Variants in DNAH12 observed in about 807,000 individuals in gnomAD.
DNAH12 encodes the protein dynein axonemal heavy chain 12.
Under a neutral mutation model 371.5 loss-of-function variants are expected in DNAH12, and 285 were observed. The ratio of observed to expected loss-of-function variants is 0.77; its 90% CI spans 0.70 to 0.85. DNAH12 has a LOEUF of 0.85. DNAH12 is among the 40% of genes least tolerant of loss of function. The pLI, the probability that DNAH12 is intolerant of heterozygous loss-of-function variation, is 0.00. For missense variants in DNAH12, 3,611 were observed against 3,689.4 expected, an observed-to-expected ratio of 0.98 and a Z score of 0.55; for synonymous variants, 1,200 against 1,213.0, an observed-to-expected ratio of 0.99 and a Z score of 0.22.
chr3:57,348,761 C>T (rs2062604235), intron 60 of DNAH12, among the ~76,000 whole-genome samples: 1 of 152,162 alleles, frequency 6.6e-6, no homozygotes, highest in Non-Finnish European at 1.5e-5. Flanking sequence ...TAGATTGAAA[C>T]ACTCAGTATT....
chr3:57,395,482 T>C (rs918829715), intron 43 of DNAH12, among the ~76,000 whole-genome samples: 7 of 152,350 alleles, frequency 4.6e-5, no homozygotes, highest in African/African-American at 1.7e-4. Flanking sequence ...GGTGGATTTT[T>C]ATATTGTACA....
At chr3:57,343,631 T>C (rs1239060437) in intron 60 of DNAH12, among the ~76,000 whole-genome samples, 5 of 152,086 alleles carry the variant, frequency 3.3e-5, no homozygotes, top group African/African-American at 9.7e-5. Flanking sequence ...GCCCGACACC[T>C]GTAAAGGGTC....
At chr3:57,361,444 C>CACTATATATACA (rs1409626573) in intron 58 of DNAH12, among the ~76,000 whole-genome samples, 1 of 116,722 alleles carries the variant, frequency 8.6e-6, no homozygotes, top group African/African-American at 4.2e-5. Context: ...CACACACACA[C>CACTATATATACA]TATATATATA....
chr3:57,318,967 C>G (rs2061745115), intron 65 of DNAH12, among the ~76,000 whole-genome samples: 1 of 151,986 alleles, frequency 6.6e-6, no homozygotes, highest in Admixed American at 6.6e-5. Context: ...GGTTAGTTTG[C>G]ACATTTTAAT....
chr3:57,369,228 A>AAAT (rs1296017727), intron 55 of DNAH12, among the ~76,000 whole-genome samples: 109 of 131,710 alleles, frequency 8.3e-4, no homozygotes, highest in African/African-American at 2.4e-3. Context: ...TTAAAAAAAA[A>AAAT]ATATATATAT....
chr3:57,377,573 T>C (rs1025054336), intron 52 of DNAH12, among the ~76,000 whole-genome samples: 1 of 151,936 alleles, frequency 6.6e-6, no homozygotes, highest in Non-Finnish European at 1.5e-5. Context: ...AATAAGTGTT[T>C]GTTTAAACAC....
chr3:57,509,861 T>TAAAAAAAAAAAAAAAAAAAA (rs902155403), intron 5 of DNAH12, among the ~76,000 whole-genome samples: 9 of 46,562 alleles, frequency 1.9e-4, no homozygotes, highest in Non-Finnish European at 3.6e-4. Context: ...GACTCCATCA[T>TAAAAAAAAAAAAAAAAAAAA]AAAAAAAAAA....
intron 43 of DNAH12, among the ~76,000 whole-genome samples, chr3:57,400,761 C>G (rs2063839954): frequency 6.6e-6 from 1 of 152,064 alleles, no homozygotes; most frequent in Non-Finnish European, 1.5e-5. Flanking sequence ...GGGGGGACTA[C>G]CATAATAGTA....
chr3:57,385,042 C>T (rs1476216826), intron 48 of DNAH12, 37 bp from the exon 49 acceptor site: 1 of 152,168 alleles, frequency 6.6e-6, no homozygotes, highest in African/African-American at 2.4e-5. Context: ...TTCTCAAACA[C>T]CCTATTGCTT....
intron 69 of DNAH12, among the ~76,000 whole-genome samples, chr3:57,306,719 C>T (rs990581690): frequency 1.9e-4 from 29 of 152,274 alleles, no homozygotes; most frequent in African/African-American, 5.8e-4. Context: ...TGTTATCACT[C>T]GCCTGCCACA....
At chr3:57,415,306 C>T in intron 38 of DNAH12, 120 bp downstream of exon 38, 1 of 1,335,134 alleles carries the variant, frequency 7.5e-7, no homozygotes, top group Non-Finnish European at 1.0e-6. Flanking sequence ...ACTCCCCAAA[C>T]ATTTGAAAGT....
In DNAH12 at chr3:57,309,145, C is replaced by A; in HGVS notation, c.11189+6G>T. 1 of 1,523,736 alleles carries A rather than the reference C, an allele frequency of 6.6e-7. No individual in the cohort carries two copies. Among genetic ancestry groups the A allele is most frequent in the South Asian group, 1.3e-5 (1 of 79,788 alleles). 94.4% of individuals were successfully genotyped at this position (1,523,736 alleles called of 1,614,324 possible). On this transcript the variant is annotated splice_donor_region_variant and intron_variant, in intron 69 of 73. Coordinates refer to ENST00000495027, the MANE Select transcript of DNAH12 (RefSeq NM_001366028.2). ...CTTCTGAATCACTGGGGATATAGAT[C>A]CTTACTTGTTAAATCTTTCCATTTC...
In DNAH12 at chr3:57,502,471, T is replaced by C. The variant is rs770495258; in HGVS notation, c.1095A>G (p.Gln365=). ...ERIAEALQNV[Q]TIPSWLSGTS... is the part of the protein sequence containing the mutation. ...TTCCTGATAGCCAAGAGGGGATTGT[T>C]TGGACATTCTAACACAAATAAAAAT... is the stretch of plus-strand genomic sequence containing the variant. Residue 365 remains glutamine, a synonymous_variant, in exon 10 of 74, where the codon CAA becomes CAG. Coordinates refer to ENST00000495027, the MANE Select transcript of DNAH12 (RefSeq NM_001366028.2). The C allele has an allele frequency of 1.9e-6, 3 of 1,614,106 alleles. No homozygotes were observed. Among genetic ancestry groups the C allele is most frequent in the Admixed American group, 3.3e-5 (2 of 60,026 alleles).
intron 43 of DNAH12, among the ~76,000 whole-genome samples, chr3:57,397,899 G>T (rs1229498385): frequency 3.9e-5 from 6 of 151,974 alleles, no homozygotes; most frequent in African/African-American, 1.5e-4. Flanking sequence ...GGGATGCAAA[G>T]AATTAAGGAA....
In DNAH12 at chr3:57,428,291, TAA is replaced by T. The variant is rs531904999; in HGVS notation, c.5253+340_5253+341del. On this transcript the variant is annotated intron_variant, in intron 34 of 73. Transcript: ENST00000495027. The stretch of plus-strand genomic sequence containing the variant: ...AGCCCTGGGAAGCTAATACAATATG[TAA>T]AGTTTTCTCATAAAATACTAAATAT... 3,093 of 973,566 alleles carry T rather than the reference TAA, an allele frequency of 3.2e-3. 42 individuals are homozygous for T. Among genetic ancestry groups the T allele is most frequent in the South Asian group, 0.026 (1,597 of 61,040 alleles). The allele number at this position is 973,566 out of a possible 1,614,324, so 60.3% of individuals were successfully genotyped here. A position where few individuals can be genotyped will look rare whatever the true frequency, so the allele number is the denominator to read the frequency against.
At chr3:57,513,494 A>G (rs1019558784) in intron 4 of DNAH12, among the ~76,000 whole-genome samples, 8 of 95,124 alleles carry the variant, frequency 8.4e-5, no homozygotes, top group Non-Finnish European at 2.1e-5. Context: ...ATAAAGTAAA[A>G]TTTAAAAACT....
intron 60 of DNAH12, among the ~76,000 whole-genome samples, chr3:57,348,710 T>C (rs1201347207): frequency 6.6e-6 from 1 of 152,012 alleles, no homozygotes; most frequent in Non-Finnish European, 1.5e-5. Flanking sequence ...TAGAGTGAAA[T>C]GAAAAAGAAC....
chr3:57,329,601 TAAAAACCCTAGAA>T (rs2062040452), intron 62 of DNAH12, among the ~76,000 whole-genome samples: 1 of 146,546 alleles, frequency 6.8e-6, no homozygotes, highest in Non-Finnish European at 1.5e-5. Flanking sequence ...CCTAAAACCA[TAAAAACCCTAGAA>T]GAAAACCTAG....
intron 11 of DNAH12, among the ~76,000 whole-genome samples, chr3:57,492,118 C>T (rs2153386228): frequency 6.6e-6 from 1 of 152,224 alleles, no homozygotes; most frequent in East Asian, 1.9e-4. Context: ...GCTATGCTCA[C>T]ATCACTGCAC....
Sources: allele counts gnomAD v4.1 joint callset (sites outside exome capture counted in the v4.1 genomes callset), GRCh38; gene constraint gnomAD v4.1.1; transcripts MANE v1.5; gene names NCBI Gene and HGNC (gene_info 2026-07-23, HGNC 2026-07-21).